Variants in CTDSPL observed in about 807,000 individuals in gnomAD.
CTDSPL encodes CTD small phosphatase like.
In CTDSPL, 8 loss-of-function variants were observed where a neutral mutation model predicts 30.5. The observed-to-expected ratio is 0.26, with a 90% CI of 0.15 to 0.47. The LOEUF (loss-of-function observed/expected upper bound fraction) is 0.47. Ranked by LOEUF, CTDSPL falls within the 20% of genes least tolerant of loss-of-function variation. The probability of loss-of-function intolerance (pLI) is 0.99; values close to 1 mark genes in which losing one functional copy is unlikely to be tolerated. For synonymous variants in CTDSPL, 110 were observed against 137.9 expected (o/e 0.80, Z 1.42); for missense variants, 248 against 366.1 (o/e 0.68, Z 2.63).
intron 5 of CTDSPL, among the ~76,000 whole-genome samples, 171 bp from the exon 6 acceptor site, chr3:37,971,236 C>T (rs527965441): frequency 1.3e-5 from 2 of 152,346 alleles, no homozygotes; most frequent in East Asian, 1.9e-4. Context: ...AGGAGTGCCA[C>T]GTCTGACTCC....
At chr3:37,969,313 C>T (rs1182776456) in intron 5 of CTDSPL, 17 of 469,494 alleles carry the variant, frequency 3.6e-5, no homozygotes, top group Admixed American at 3.5e-4. Flanking sequence ...TGTGATATCA[C>T]AAGGTCCCAG....
rs1699157407 is a variant in CTDSPL, at chr3:37,955,210, C to T, written c.235-1901C>T. On this transcript the variant is annotated intron_variant, in intron 2 of 7. Coordinates refer to ENST00000273179, the MANE Select transcript of CTDSPL (RefSeq NM_001008392.2). The stretch of plus-strand genomic sequence containing the variant: ...ACATCCTGCAACAAATAGGACATCC[C>T]TCACGACAGAGTTATCCAGCCCAGA... 3 of 152,202 alleles carry T rather than the reference C, an allele frequency of 2.0e-5. No individual in the cohort carries two copies. The South Asian group carries it at 6.2e-4, about 32-fold the overall frequency. The allele number at this position is 152,202 out of a possible 1,614,324, so 9.4% of individuals were successfully genotyped here. A position where few individuals can be genotyped will look rare whatever the true frequency, so the allele number is the denominator to read the frequency against.
At chr3:37,905,361 C>G (rs1698501720) in intron 1 of CTDSPL, among the ~76,000 whole-genome samples, 1 of 150,936 alleles carries the variant, frequency 6.6e-6, no homozygotes, top group African/African-American at 2.4e-5. Flanking sequence ...TCAGATAATG[C>G]CTACAAAAAG....
In CTDSPL at chr3:37,962,424, A is replaced by G. The variant is rs115870121; in HGVS notation, c.268-2147A>G. Among the ~76,000 whole-genome samples, 812 of 152,362 alleles carry G rather than the reference A, an allele frequency of 5.3e-3. 8 individuals are homozygous for G. The highest frequency in any genetic ancestry group is 0.018 in the African/African-American group (769 of 41,586). ...CAAATTAAAATCAATTGCTTGCTTA[A>G]TATGAGTCTCACCCTTCTCCATCTT... On this transcript the variant is annotated intron_variant, in intron 3 of 7. Coordinates refer to ENST00000273179, the MANE Select transcript of CTDSPL (RefSeq NM_001008392.2).
At position 37,952,236 on chromosome 3, in the gene CTDSPL, G is replaced by T. The variant is rs6781786; in HGVS notation, c.235-4875G>T. Among the ~76,000 whole-genome samples the T allele has an allele frequency of 3.3e-3, 508 of 152,230 alleles. 3 individuals are homozygous for T. Among genetic ancestry groups the T allele is most frequent in the African/African-American group, 0.011 (464 of 41,532 alleles). On this transcript the variant is annotated intron_variant, in intron 2 of 7. Transcript: ENST00000273179. ...GAAAGGAGAGAGAGAGAGAAAGTGA[G>T]AAAGAAAGAAAAGAAAAGGAAGAAA...
Position 37,960,480 on chromosome 3 carries a change from C to CA in CTDSPL, c.267+3363dup, listed in dbSNP as rs1208033395. ...GGGCAACAAGAGCAAAACTCTGTCT[C>CA]AAAAAAAAAAAAAAAAAAAAAAAAA... On this transcript the variant is annotated intron_variant, in intron 3 of 7. Transcript: ENST00000273179. Among the ~76,000 whole-genome samples the CA allele has an allele frequency of 5.3e-3, 26 of 4,916 alleles. 3 individuals are homozygous for CA. Among genetic ancestry groups the CA allele is most frequent in the East Asian group, 8.1e-3 (1 of 124 alleles). The allele number at this position is 4,916 out of a possible 152,430, so 3.2% of individuals were successfully genotyped here.
At chr3:37,881,125 T>G (rs1698198981) in intron 1 of CTDSPL, among the ~76,000 whole-genome samples, 1 of 152,062 alleles carries the variant, frequency 6.6e-6, no homozygotes, top group Non-Finnish European at 1.5e-5. Context: ...TTAAACCTGG[T>G]GCTCATTTTC....
intron 1 of CTDSPL, among the ~76,000 whole-genome samples, chr3:37,902,238 G>T (rs993525487): frequency 6.6e-6 from 1 of 152,180 alleles, no homozygotes; most frequent in Non-Finnish European, 1.5e-5. Context: ...TGGGTCAGTG[G>T]CCATCAGTGT....
At chr3:37,899,480 G>A (rs1308601494) in intron 1 of CTDSPL, among the ~76,000 whole-genome samples, 2 of 152,118 alleles carry the variant, frequency 1.3e-5, no homozygotes, top group Non-Finnish European at 2.9e-5. Flanking sequence ...CCTGAATTAC[G>A]ACCATCCTGT....
chr3:37,943,301 C>T (rs1037917103), intron 1 of CTDSPL, among the ~76,000 whole-genome samples: 3 of 149,988 alleles, frequency 2.0e-5, no homozygotes, highest in African/African-American at 7.3e-5. Context: ...GTGAGGTTGG[C>T]TTTGAGCCAG....
chr3:37,863,893 ACTCT>A (rs777159284), intron 1 of CTDSPL, among the ~76,000 whole-genome samples: 10 of 152,338 alleles, frequency 6.6e-5, no homozygotes, highest in Admixed American at 3.9e-4. Context: ...AAGAATTCAA[ACTCT>A]CTCAGGCATT....
chr3:37,964,655 G>T lies in CTDSPL; in HGVS notation c.352G>T (p.Val118Leu). The stretch of plus-strand genomic sequence containing the variant: ...GGTCATTGATTTAGATGAAACATTG[G>T]TGCACAGTTCGTTTAAGGTAAATCA... Reference protein sequence around the residue: ...CVVIDLDETLVHSSFKPISNA... With the variant: ...CVVIDLDETLLHSSFKPISNA... The change falls in exon 4 of 8, where the codon GTG becomes TTG. Residue 118 changes from valine (V) to leucine (L), a missense_variant. Coordinates refer to ENST00000273179, the MANE Select transcript of CTDSPL (RefSeq NM_001008392.2). 1 of 1,613,024 alleles carries T rather than the reference G, an allele frequency of 6.2e-7. No homozygotes were observed. Among genetic ancestry groups the T allele is most frequent in the Middle Eastern group, 1.6e-4 (1 of 6,062 alleles).
chr3:37,979,907 CTA>C (rs1699470617), intron 7 of CTDSPL, among the ~76,000 whole-genome samples: 1 of 152,186 alleles, frequency 6.6e-6, no homozygotes, highest in Non-Finnish European at 1.5e-5. Flanking sequence ...GACATCAAAA[CTA>C]TAAATAAAGA....
intron 3 of CTDSPL, among the ~76,000 whole-genome samples, chr3:37,958,142 C>T (rs1025067623): frequency 2.0e-5 from 3 of 152,202 alleles, no homozygotes; most frequent in Non-Finnish European, 4.4e-5. Flanking sequence ...ATGGATTTCA[C>T]GTGTGCAGGT....
chr3:37,968,095 A>G (rs763459902), intron 5 of CTDSPL: 1 of 527,828 alleles, frequency 1.9e-6, no homozygotes, highest in Non-Finnish European at 3.3e-6. Context: ...TAAATATTAG[A>G]TGCGGTTGCA....
intron 6 of CTDSPL, among the ~76,000 whole-genome samples, chr3:37,974,559 C>T (rs1045705499): frequency 6.6e-6 from 1 of 152,356 alleles, no homozygotes; most frequent in East Asian, 1.9e-4. Context: ...GGCCTAGCCA[C>T]TCAGTATGGC....
intron 1 of CTDSPL, among the ~76,000 whole-genome samples, chr3:37,891,577 G>A (rs553656358): frequency 2.8e-4 from 43 of 152,156 alleles, no homozygotes; most frequent in Non-Finnish European, 5.6e-4. Flanking sequence ...TTCCTAGTAG[G>A]GAAGGACCCA....
At chr3:37,956,624 C>T (rs907821992) in intron 2 of CTDSPL, among the ~76,000 whole-genome samples, 2 of 152,114 alleles carry the variant, frequency 1.3e-5, no homozygotes, top group African/African-American at 2.4e-5. Context: ...CTTGCCTTGT[C>T]CCCTCTCCCC....
intron 4 of CTDSPL, among the ~76,000 whole-genome samples, chr3:37,966,233 A>G (rs963415292): frequency 4.6e-5 from 7 of 152,144 alleles, no homozygotes; most frequent in Non-Finnish European, 8.8e-5. Flanking sequence ...GTGTTTCCTC[A>G]TTTCTTCCCT....
Sources: allele counts gnomAD v4.1 joint callset (sites outside exome capture counted in the v4.1 genomes callset), GRCh38; gene constraint gnomAD v4.1.1; transcripts MANE v1.5; gene names NCBI Gene and HGNC (gene_info 2026-07-23, HGNC 2026-07-21).